Variants in GRM7 observed in about 807,000 individuals in gnomAD.
The protein encoded by GRM7 is glutamate metabotropic receptor 7.
Under a neutral mutation model 84.5 loss-of-function variants are expected in GRM7, and 35 were observed. The observed-to-expected ratio is 0.41, with a 90% CI of 0.32 to 0.55. The LOEUF is 0.55. Among genes scored for constraint, GRM7 ranks in the 20% least tolerant of loss-of-function variants. The pLI, the probability that GRM7 is intolerant of heterozygous loss-of-function variation, is 0.19. For synonymous variants in GRM7, 487 were observed against 455.1 expected (o/e 1.07, Z -0.89); for missense variants, 1,003 against 1,194.6 (o/e 0.84, Z 2.36).
chr3:7,484,884 T>C (rs1404449172), intron 7 of GRM7, among the ~76,000 whole-genome samples: 2 of 152,136 alleles, frequency 1.3e-5, no homozygotes, highest in East Asian at 3.9e-4. Flanking sequence ...TTTCTGAAAT[T>C]AGGTTACAAA....
At chr3:7,584,195 T>G (rs1310968285) in intron 8 of GRM7, among the ~76,000 whole-genome samples, 1 of 152,232 alleles carries the variant, frequency 6.6e-6, no homozygotes, top group Non-Finnish European at 1.5e-5. Flanking sequence ...CAACTTTGAC[T>G]CTTGTAAAAT....
intron 7 of GRM7, among the ~76,000 whole-genome samples, chr3:7,489,460 A>C (rs1055595203): frequency 2.6e-5 from 4 of 152,170 alleles, no homozygotes; most frequent in African/African-American, 9.7e-5. Context: ...AATAGGAGGC[A>C]GTGTTAGGAT....
intron 4 of GRM7, among the ~76,000 whole-genome samples, chr3:7,351,012 G>C (rs1693116843): frequency 6.6e-6 from 1 of 152,022 alleles, no homozygotes; most frequent in African/African-American, 2.4e-5. Context: ...AAACTTCTGT[G>C]AGAAGGGCAT....
At chr3:7,163,542 T>C (rs1010987152) in intron 2 of GRM7, among the ~76,000 whole-genome samples, 3 of 152,214 alleles carry the variant, frequency 2.0e-5, no homozygotes, top group Non-Finnish European at 4.4e-5. Flanking sequence ...TGTATCCTCA[T>C]GGAGCTTATA....
At chr3:6,911,874 A>G (rs1413850038) in intron 1 of GRM7, among the ~76,000 whole-genome samples, 1 of 152,230 alleles carries the variant, frequency 6.6e-6, no homozygotes, top group African/African-American at 2.4e-5. Context: ...CTAAGAACAT[A>G]TGATAATCAT....
At chr3:7,721,875 T>C (rs1428852443) in intron 9 of GRM7, among the ~76,000 whole-genome samples, 1 of 152,212 alleles carries the variant, frequency 6.6e-6, no homozygotes, top group Non-Finnish European at 1.5e-5. Context: ...TTGAGTCCAC[T>C]TGAATCATAC....
At chr3:7,202,105 A>T (rs1181708847) in intron 2 of GRM7, among the ~76,000 whole-genome samples, 1 of 151,966 alleles carries the variant, frequency 6.6e-6, no homozygotes, top group African/African-American at 2.4e-5. Flanking sequence ...ATTTTTGGCT[A>T]GCCAAAAAAG....
In GRM7 at chr3:7,032,435, A is replaced by G. The variant is rs118171602; in HGVS notation, c.520-114017A>G. On this transcript the variant is annotated intron_variant, in intron 1 of 9. Coordinates refer to ENST00000357716, the MANE Select transcript of GRM7 (RefSeq NM_000844.4). ...AATAGACAAAAGCACTTAGGAGTGTAGAACCTAATACGTGTTCAAAAAATG... is the reference window on the plus strand; with the variant it reads ...AATAGACAAAAGCACTTAGGAGTGTGGAACCTAATACGTGTTCAAAAAATG... Among the ~76,000 whole-genome samples, 13 of 152,370 alleles carry G rather than the reference A, an allele frequency of 8.5e-5. No individual in the cohort carries two copies. The East Asian group carries it at 1.7e-3, about 20-fold the overall frequency.
At chr3:6,982,844 T>A (rs1694259784) in intron 1 of GRM7, among the ~76,000 whole-genome samples, 1 of 152,208 alleles carries the variant, frequency 6.6e-6, no homozygotes. Flanking sequence ...TAGTATTTTA[T>A]TTTAAAGATA....
intron 2 of GRM7, among the ~76,000 whole-genome samples, chr3:7,179,159 A>G (rs1695255036): frequency 6.6e-6 from 1 of 152,154 alleles, no homozygotes; most frequent in African/African-American, 2.4e-5. Context: ...AGTACACTGC[A>G]AACTTCACTT....
At chr3:6,963,666 A>C (rs1449771722) in intron 1 of GRM7, among the ~76,000 whole-genome samples, 1 of 152,214 alleles carries the variant, frequency 6.6e-6, no homozygotes, top group Non-Finnish European at 1.5e-5. Context: ...ATGTGTGTAT[A>C]TGTTTAGCAT....
intron 7 of GRM7, among the ~76,000 whole-genome samples, chr3:7,532,858 C>T (rs927328057): frequency 7.9e-5 from 10 of 126,078 alleles, no homozygotes; most frequent in Non-Finnish European, 1.3e-4. Flanking sequence ...ATAAAACAGA[C>T]TTTAAACCAA....
At chr3:7,194,563 G>A (rs910507572) in intron 2 of GRM7, among the ~76,000 whole-genome samples, 3 of 151,994 alleles carry the variant, frequency 2.0e-5, no homozygotes, top group Admixed American at 6.6e-5. Flanking sequence ...CCTTTCTCAC[G>A]GTCTCATCTA....
chr3:7,724,910 C>G, intron 9 of GRM7, among the ~76,000 whole-genome samples: 1 of 151,866 alleles, frequency 6.6e-6, no homozygotes, highest in Non-Finnish European at 1.5e-5. Context: ...ACCACAGGCG[C>G]TTGACACCAG....
chr3:7,057,718 A>G (rs965446965), intron 1 of GRM7, among the ~76,000 whole-genome samples: 15 of 151,940 alleles, frequency 9.9e-5, no homozygotes, highest in African/African-American at 3.1e-4. Context: ...TTCCAGCTGG[A>G]GAAATGGAGG....
At chr3:7,057,942 T>C (rs1697289765) in intron 1 of GRM7, among the ~76,000 whole-genome samples, 2 of 152,010 alleles carry the variant, frequency 1.3e-5, no homozygotes, top group Admixed American at 1.3e-4. Flanking sequence ...AGACAGGTCA[T>C]ATTTTGTATA....
intron 1 of GRM7, among the ~76,000 whole-genome samples, chr3:7,002,561 T>C (rs975045803): frequency 6.6e-6 from 1 of 152,136 alleles, no homozygotes; most frequent in African/African-American, 2.4e-5. Context: ...GATATGGACA[T>C]ATGTAAAAAT....
chr3:7,271,336 G>C (rs895000190), intron 2 of GRM7, among the ~76,000 whole-genome samples: 1 of 152,004 alleles, frequency 6.6e-6, no homozygotes. Flanking sequence ...GAGGCGGGTG[G>C]ATCACGAGGT....
At chr3:7,673,410 G>A (rs184007397) in intron 8 of GRM7, among the ~76,000 whole-genome samples, 3 of 151,446 alleles carry the variant, frequency 2.0e-5, no homozygotes, top group African/African-American at 7.3e-5. Flanking sequence ...CATGACATAG[G>A]TTCTTAAAAG....
Sources: allele counts gnomAD v4.1 joint callset (sites outside exome capture counted in the v4.1 genomes callset), GRCh38; gene constraint gnomAD v4.1.1; transcripts MANE v1.5; gene names NCBI Gene and HGNC (gene_info 2026-07-23, HGNC 2026-07-21).